GRIP1: variants seen among roughly 807,000 people sequenced by gnomAD.
The protein encoded by GRIP1 is glutamate receptor-interacting protein 1.
A neutral mutation model predicts 129.9 loss-of-function variants in GRIP1; 45 were observed. That is an observed-to-expected ratio of 0.35 (90% CI 0.27 to 0.44). GRIP1 has a LOEUF of 0.44. GRIP1 is among the 20% of genes least tolerant of loss of function. GRIP1 has a pLI of 1.00. For missense variants in GRIP1, 1,196 were observed against 1,396.8 expected (o/e 0.86, Z 2.29); for synonymous variants, 530 against 520.8 (o/e 1.02, Z -0.24).
At chr12:66,635,489 T>C (rs980503967) in intron 1 of GRIP1, among the ~76,000 whole-genome samples, 3 of 151,858 alleles carry the variant, frequency 2.0e-5, no homozygotes, top group African/African-American at 7.2e-5. Flanking sequence ...TCCTAAAATA[T>C]CCATGTTTGC....
chr12:66,911,519 A>C (rs1021884782), intron 1 of GRIP1, among the ~76,000 whole-genome samples: 2 of 152,104 alleles, frequency 1.3e-5, no homozygotes, highest in African/African-American at 4.8e-5. Context: ...TGTAACTAAG[A>C]AAAAAAGGGA....
intron 1 of GRIP1, among the ~76,000 whole-genome samples, chr12:67,039,018 AACACACACACACACACACAC>A (rs10562551): frequency 1.3e-4 from 19 of 148,934 alleles, no homozygotes; most frequent in African/African-American, 4.2e-4. Context: ...ACAAATAATA[AACACACACACACACACACAC>A]ACACACACAC....
At chr12:66,385,544 A>T (rs1438274144) in intron 19 of GRIP1, among the ~76,000 whole-genome samples, 2 of 152,188 alleles carry the variant, frequency 1.3e-5, no homozygotes, top group African/African-American at 4.8e-5. Flanking sequence ...CTCAAAAAAT[A>T]AAATAATAAA....
chr12:66,456,459 C>A, intron 9 of GRIP1, 117 bp from the exon 10 acceptor site: 1 of 476,400 alleles, frequency 2.1e-6, no homozygotes, highest in Non-Finnish European at 3.4e-6. Flanking sequence ...AAGAAAGCTG[C>A]TTGCAAATAA....
At chr12:66,701,338 T>C (rs939128905) in intron 1 of GRIP1, among the ~76,000 whole-genome samples, 6 of 152,198 alleles carry the variant, frequency 3.9e-5, no homozygotes, top group Non-Finnish European at 8.8e-5. Context: ...TCAACTACTT[T>C]AGTAGAATTA....
intron 1 of GRIP1, among the ~76,000 whole-genome samples, chr12:67,018,003 A>C (rs2042813054): frequency 6.6e-6 from 1 of 152,208 alleles, no homozygotes; most frequent in Admixed American, 6.5e-5. Context: ...GTTACACCAC[A>C]ACAGATACCT....
chr12:66,705,063 A>C (rs1375238295), intron 1 of GRIP1, among the ~76,000 whole-genome samples: 4 of 152,110 alleles, frequency 2.6e-5, no homozygotes, highest in Admixed American at 6.6e-5. Context: ...CTTACTACAA[A>C]GTACTTGTTG....
At chr12:66,854,320 T>C (rs200594166) in intron 1 of GRIP1, among the ~76,000 whole-genome samples, 2 of 9,752 alleles carry the variant, frequency 2.1e-4, no homozygotes, top group Non-Finnish European at 1.3e-3. Flanking sequence ...GGGTGACTGA[T>C]TACAAAGATG....
intron 1 of GRIP1, among the ~76,000 whole-genome samples, chr12:66,890,225 G>A (rs749194946): frequency 7.9e-5 from 12 of 152,056 alleles, no homozygotes; most frequent in Non-Finnish European, 1.3e-4. Context: ...CACCACACCC[G>A]GCCAGCTCAG....
At position 66,758,995 on chromosome 12, in the gene GRIP1, G is replaced by C. The variant is rs2037387496; in HGVS notation, c.-420+45058C>G. On this transcript the variant is annotated intron_variant, in intron 1 of 4. Transcript: ENST00000538373. ...AGTGGATCTATCGTTCTGGGGTCTG[G>C]AGGACGGTGTCCCTCTTCTCACAGC... Among the ~76,000 whole-genome samples, 6 of 152,298 alleles carry C rather than the reference G, an allele frequency of 3.9e-5. No homozygotes were observed. In the South Asian group the frequency reaches 1.2e-3, roughly 32 times the overall value.
At chr12:66,826,334 G>T (rs1229561599) in intron 1 of GRIP1, among the ~76,000 whole-genome samples, 1 of 152,126 alleles carries the variant, frequency 6.6e-6, no homozygotes, top group Non-Finnish European at 1.5e-5. Flanking sequence ...GATAGCATTA[G>T]AAGAAATACC....
rs1166931987 is a variant in GRIP1 at position 67,040,509 on chromosome 12, G to C, written c.58+28541C>G. Among the ~76,000 whole-genome samples the C allele has an allele frequency of 2.6e-5, 4 of 152,134 alleles. No homozygotes were observed. In the East Asian group the frequency reaches 7.7e-4, roughly 29 times the overall value. On this transcript the variant is annotated intron_variant, in intron 1 of 1. Transcript: ENST00000643019. ...AATAAACAACTTGCAGTCACAGAGA[G>C]TCCTTTGAGACTCCACTCAGGTGTC...
intron 14 of GRIP1, among the ~76,000 whole-genome samples, chr12:66,431,672 TA>T (rs1410143670): frequency 6.6e-6 from 1 of 152,216 alleles, no homozygotes; most frequent in Non-Finnish European, 1.5e-5. Context: ...TCACAGTCAT[TA>T]CCTCTACGTC....
intron 1 of GRIP1, chr12:67,069,021 T>TC: frequency 3.1e-6 from 1 of 321,608 alleles, no homozygotes; most frequent in Non-Finnish European, 4.4e-6. Flanking sequence ...ACCCCTGCCC[T>TC]CCCTCCCCGG....
intron 1 of GRIP1, among the ~76,000 whole-genome samples, chr12:66,749,451 C>G (rs192038825): frequency 4.6e-5 from 7 of 152,304 alleles, no homozygotes; most frequent in African/African-American, 1.7e-4. Flanking sequence ...TGGCTATGAG[C>G]AAACTGATGA....
chr12:66,384,303 T>C (rs538533206), intron 19 of GRIP1, among the ~76,000 whole-genome samples: 3 of 152,346 alleles, frequency 2.0e-5, no homozygotes, highest in Non-Finnish European at 2.9e-5. Flanking sequence ...GAAATGCTGA[T>C]ATTTTAATCC....
At chr12:66,598,699 A>G (rs2064154263) in intron 1 of GRIP1, among the ~76,000 whole-genome samples, 1 of 152,210 alleles carries the variant, frequency 6.6e-6, no homozygotes, top group Admixed American at 6.5e-5. Context: ...AGACTGCTTT[A>G]AAAATGTATT....
chr12:66,844,026 A>G (rs1189142968), intron 1 of GRIP1, among the ~76,000 whole-genome samples: 1 of 152,198 alleles, frequency 6.6e-6, no homozygotes, highest in Non-Finnish European at 1.5e-5. Flanking sequence ...AGCCTTTGGA[A>G]TGGGAGAAAA....
At position 66,432,641 on chromosome 12, in the gene GRIP1, C is replaced by CA; in HGVS notation, c.1688-14dup. The stretch of plus-strand genomic sequence containing the variant: ...GGGATGACAGACTCTAATATCAAAA[C>CA]AAAAAAGAATGTGTTAATAGAACAC... On this transcript the variant is annotated splice_polypyrimidine_tract_variant and intron_variant, in intron 13 of 24. Coordinates refer to ENST00000359742, the MANE Select transcript of GRIP1 (RefSeq NM_001366722.1). 1 of 1,504,398 alleles carries CA rather than the reference C, an allele frequency of 6.6e-7. No homozygotes were observed. Among genetic ancestry groups the CA allele is most frequent in the Middle Eastern group, 1.7e-4 (1 of 5,834 alleles). The allele number at this position is 1,504,398 out of a possible 1,614,324, so 93.2% of individuals were successfully genotyped here.
Sources: gnomAD v4.1 joint callset for allele counts (sites outside exome capture counted in the v4.1 genomes callset) on GRCh38, gnomAD v4.1.1 for gene constraint, MANE v1.5 for transcripts, NCBI Gene and HGNC (gene_info 2026-07-23, HGNC 2026-07-21) for gene names.